IL1RAPL1: variants seen among roughly 807,000 people sequenced by gnomAD.
The protein encoded by IL1RAPL1 is interleukin 1 receptor accessory protein like 1.
IL1RAPL1 carries 3 observed loss-of-function variants against 48.4 expected under a neutral mutation model. The ratio of observed to expected loss-of-function variants is 0.06; its 90% confidence interval spans 0.03 to 0.16. IL1RAPL1 has a LOEUF of 0.16. Among genes scored for constraint, IL1RAPL1 ranks in the 10% least tolerant of loss-of-function variants. IL1RAPL1 has a pLI of 1.00. For synonymous variants in IL1RAPL1, 185 were observed against 187.7 expected (o/e 0.99, Z 0.12); for missense variants, 349 against 530.6 (o/e 0.66, Z 3.36).
chrX:29,925,494 A>C (rs1932882672), intron 8 of IL1RAPL1, among the ~76,000 whole-genome samples: 2 of 91,264 alleles, frequency 2.2e-5, no homozygotes, highest in Admixed American at 2.8e-4. Flanking sequence ...TAATAGCACA[A>C]ATTATCCAAT....
chrX:29,604,043 A>G (rs935467690), intron 5 of IL1RAPL1, among the ~76,000 whole-genome samples: 2 of 112,536 alleles, frequency 1.8e-5, no homozygotes, highest in African/African-American at 6.5e-5. Flanking sequence ...AGGGATTTCC[A>G]TAGTCACTCT....
chrX:29,437,328 A>G (rs779989193), intron 5 of IL1RAPL1, among the ~76,000 whole-genome samples: 11 of 110,917 alleles, frequency 9.9e-5, no homozygotes, highest in Non-Finnish European at 1.9e-4. Context: ...CTCTGTTAGC[A>G]CAGGACAGTC....
intron 2 of IL1RAPL1, among the ~76,000 whole-genome samples, chrX:28,889,327 A>G (rs1245044931): frequency 1.8e-5 from 2 of 111,686 alleles, no homozygotes; most frequent in Non-Finnish European, 3.8e-5. Flanking sequence ...GAGAATATAT[A>G]TTGAAGATTC....
chrX:28,803,698 G>A (rs1051632851), intron 2 of IL1RAPL1, among the ~76,000 whole-genome samples: 2 of 111,536 alleles, frequency 1.8e-5, no homozygotes, highest in Admixed American at 9.6e-5. Flanking sequence ...AACTGTACTT[G>A]ATTACGTGTG....
intron 6 of IL1RAPL1, among the ~76,000 whole-genome samples, chrX:29,731,464 G>T (rs1252254443): frequency 8.9e-6 from 1 of 112,260 alleles, no homozygotes; most frequent in Non-Finnish European, 1.9e-5. Context: ...CTCCTCACCT[G>T]CTCAGGGTCT....
At position 29,255,775 on chromosome X, in the gene IL1RAPL1, C is replaced by T. The variant is rs1310402539; in HGVS notation, c.83-27163C>T. Among the ~76,000 whole-genome samples, 17 of 111,123 alleles carry T rather than the reference C, an allele frequency of 1.5e-4. No homozygotes were observed. The Admixed American group carries it at 1.6e-3, about 11-fold the overall frequency. On this transcript the variant is annotated intron_variant, in intron 2 of 10. Transcript: ENST00000378993. ...GCCCCCAGCTGCATCCGTGTTGCTG[C>T]AAAGGACATGATTTTGTTATTTTTT...
At chrX:29,885,375 T>G (rs1932132011) in intron 6 of IL1RAPL1, among the ~76,000 whole-genome samples, 1 of 112,130 alleles carries the variant, frequency 8.9e-6, no homozygotes, top group African/African-American at 3.2e-5. Context: ...TCTGTCTGTC[T>G]ACCCCTTATC....
Position 29,703,412 on chromosome X carries a change from C to T in IL1RAPL1, c.778+34908C>T, listed in dbSNP as rs368172033. On this transcript the variant is annotated intron_variant, in intron 6 of 10. Coordinates refer to ENST00000378993, the MANE Select transcript of IL1RAPL1 (RefSeq NM_014271.4). ...GGCCAGAGTGCGGTGGCGTGATCTCCGCTCACTGCAAGCTCCGCCTCCCGG... is the reference window on the plus strand; with the variant it reads ...GGCCAGAGTGCGGTGGCGTGATCTCTGCTCACTGCAAGCTCCGCCTCCCGG... Among the ~76,000 whole-genome samples, 557 of 110,575 alleles carry T rather than the reference C, an allele frequency of 5.0e-3. 4 individuals carry two copies. The highest frequency in any genetic ancestry group is 0.017 in the African/African-American group (507 of 30,418).
intron 6 of IL1RAPL1, among the ~76,000 whole-genome samples, chrX:29,675,091 T>G (rs1926241637): frequency 8.9e-6 from 1 of 112,440 alleles, no homozygotes; most frequent in Admixed American, 9.4e-5. Context: ...TATCCAGTAA[T>G]GGGATTGCTG....
chrX:29,252,335 T>C (rs1024188898), intron 2 of IL1RAPL1, among the ~76,000 whole-genome samples: 1 of 113,490 alleles, frequency 8.8e-6, no homozygotes. Flanking sequence ...GCAAATATAG[T>C]GTAGAGAAAG....
At chrX:29,837,551 G>T (rs1410275823) in intron 6 of IL1RAPL1, among the ~76,000 whole-genome samples, 1 of 110,645 alleles carries the variant, frequency 9.0e-6, no homozygotes, top group Non-Finnish European at 1.9e-5. Context: ...TACACCCCTG[G>T]TAAGGGAAAA....
intron 2 of IL1RAPL1, among the ~76,000 whole-genome samples, chrX:29,114,875 G>A (rs970214115): frequency 2.1e-4 from 23 of 111,280 alleles, no homozygotes; most frequent in Non-Finnish European, 3.2e-4. Flanking sequence ...TGATTCGCCC[G>A]CCTCTACCTC....
In IL1RAPL1 at chrX:29,837,885, T is replaced by C. The variant is rs150265122; in HGVS notation, c.779-79579T>C. The stretch of plus-strand genomic sequence containing the variant: ...CACTTTGAAAGGCAGAAAATATAGC[T>C]GCATATTATATCATAAGAATAGACA... On this transcript the variant is annotated intron_variant, in intron 6 of 10. Coordinates refer to ENST00000378993, the MANE Select transcript of IL1RAPL1 (RefSeq NM_014271.4). Among the ~76,000 whole-genome samples, 442 of 112,159 alleles carry C rather than the reference T, an allele frequency of 3.9e-3. 2 individuals are homozygous for C. The highest frequency in any genetic ancestry group is 0.014 in the African/African-American group (427 of 30,905).
At chrX:28,905,843 T>A (rs892567163) in intron 2 of IL1RAPL1, among the ~76,000 whole-genome samples, 1 of 111,744 alleles carries the variant, frequency 8.9e-6, no homozygotes, top group Non-Finnish European at 1.9e-5. Context: ...ATGTGTGAGA[T>A]ATAATTCTTA....
At chrX:28,949,831 G>C (rs1315086970) in intron 2 of IL1RAPL1, among the ~76,000 whole-genome samples, 2 of 109,748 alleles carry the variant, frequency 1.8e-5, no homozygotes, top group Non-Finnish European at 3.8e-5. Context: ...TGTACATTCT[G>C]GATATTAGCC....
chrX:29,489,508 A>G (rs1218108196), intron 5 of IL1RAPL1, among the ~76,000 whole-genome samples: 1 of 112,242 alleles, frequency 8.9e-6, no homozygotes, highest in Non-Finnish European at 1.9e-5. Flanking sequence ...ATTTCCATTA[A>G]TTCATCTTTA....
At chrX:28,733,479 C>T (rs757055572) in intron 1 of IL1RAPL1, among the ~76,000 whole-genome samples, 167 of 110,891 alleles carry the variant, frequency 1.5e-3, no homozygotes, top group Non-Finnish European at 2.2e-3. Flanking sequence ...CCCGAATGTC[C>T]TCCACATTGC....
At chrX:28,718,511 G>A (rs1313325766) in intron 1 of IL1RAPL1, among the ~76,000 whole-genome samples, 4 of 111,277 alleles carry the variant, frequency 3.6e-5, no homozygotes, top group Non-Finnish European at 7.6e-5. Flanking sequence ...AGACTATGAT[G>A]AACAGAAAAT....
intron 1 of IL1RAPL1, among the ~76,000 whole-genome samples, chrX:28,744,046 TTTTG>T (rs1313767724): frequency 2.7e-5 from 3 of 111,416 alleles, no homozygotes; most frequent in Non-Finnish European, 3.8e-5. Context: ...TCATTTATAT[TTTTG>T]TTTATTTCCC....
Sources: allele counts gnomAD v4.1 joint callset (sites outside exome capture counted in the v4.1 genomes callset), GRCh38; gene constraint gnomAD v4.1.1; transcripts MANE v1.5; gene names NCBI Gene and HGNC (gene_info 2026-07-23, HGNC 2026-07-21).